CACNA1B: variants seen among roughly 807,000 people sequenced by gnomAD.
CACNA1B encodes voltage-dependent N-type calcium channel subunit alpha-1B.
In CACNA1B, 70 loss-of-function variants were observed where a neutral mutation model predicts 247.2. That is an observed-to-expected ratio of 0.28 (90% CI 0.23 to 0.35). The LOEUF is 0.35. CACNA1B is among the 10% of genes least tolerant of loss of function. CACNA1B has a pLI of 1.00. For missense variants in CACNA1B, 2,367 were observed against 3,197.4 expected (o/e 0.74, Z 6.26); for synonymous variants, 1,231 against 1,294.4 (o/e 0.95, Z 1.05).
rs1341459390 is a variant in CACNA1B, at chr9:138,012,549, A to G, written c.2161-580A>G. On this transcript the variant is annotated intron_variant, in intron 17 of 46. Transcript: ENST00000371372. This position sits in a 1 kb window ranked among gnomAD's most constrained non-coding sequence, Gnocchi z 4.2. ...ACTTGAGCCTAGGAATTCAAGAAAA[A>G]TTAAATTAAAAAAATTTAGCCAGTC... Among the ~76,000 whole-genome samples the G allele has an allele frequency of 2.0e-5, 3 of 152,008 alleles. No individual in the cohort carries two copies. The highest frequency in any genetic ancestry group is 7.2e-5 in the African/African-American group (3 of 41,456).
chr9:137,908,341 C>T (rs958187919), intron 3 of CACNA1B, among the ~76,000 whole-genome samples: 1 of 151,988 alleles, frequency 6.6e-6, no homozygotes, highest in Admixed American at 6.6e-5. Context: ...CATGGTGGAA[C>T]CCCGTCTCTA....
rs1163281325 is a variant in CACNA1B at position 138,061,465 on chromosome 9, T to C, written c.4668+1728T>C. Among the ~76,000 whole-genome samples the C allele has an allele frequency of 2.0e-5, 3 of 152,322 alleles. No individual in the cohort carries two copies. In the East Asian group the frequency reaches 5.8e-4, roughly 29 times the overall value. On this transcript the variant is annotated intron_variant, in intron 31 of 46. Coordinates refer to ENST00000371372, the MANE Select transcript of CACNA1B (RefSeq NM_000718.4). Reference sequence around the variant, plus strand: ...CTGATTGGGCACCCAGTACCATCGATTGGCCGTTGGTTCATCTTGAAATAT... The same window carrying C: ...CTGATTGGGCACCCAGTACCATCGACTGGCCGTTGGTTCATCTTGAAATAT...
At position 138,057,109 on chromosome 9, in the gene CACNA1B, T is replaced by C. The variant is rs1959535561; in HGVS notation, c.3969-623T>C. Among the ~76,000 whole-genome samples the C allele has an allele frequency of 6.6e-6, 1 of 152,060 alleles. No homozygotes were observed. The highest frequency in any genetic ancestry group is 1.5e-5 in the Non-Finnish European group (1 of 67,990). On this transcript the variant is annotated intron_variant, in intron 26 of 46. Transcript: ENST00000371372. This position sits in a 1 kb window ranked among gnomAD's most constrained non-coding sequence, Gnocchi z 4.0. ...CGCCACCACGCCCGGCTAATTATTT[T>C]TGTATTTTTAGTAGAGACGGGGGTT...
rs192508802 is a variant in CACNA1B at position 137,963,844 on chromosome 9, T to C, written c.1333+6157T>C. Among the ~76,000 whole-genome samples the C allele has an allele frequency of 4.0e-3, 605 of 152,350 alleles. 1 individual carries two copies. The highest frequency in any genetic ancestry group is 0.01 in the Middle Eastern group (3 of 294). ...CAGCGGCTAGTAATGGTTTTTCCTT[T>C]CCATATTTAGTGCTTCCATTAGGAC... On this transcript the variant is annotated intron_variant, in intron 10 of 46. Coordinates refer to ENST00000371372, the MANE Select transcript of CACNA1B (RefSeq NM_000718.4).
At chr9:138,098,178 C>T (rs1961120826) in intron 37 of CACNA1B, among the ~76,000 whole-genome samples, 2 of 152,224 alleles carry the variant, frequency 1.3e-5, no homozygotes, top group African/African-American at 4.8e-5. Context: ...CTTGCGAGAA[C>T]CCTGTCATGT....
At chr9:138,093,657 T>G (rs935498763) in intron 36 of CACNA1B, among the ~76,000 whole-genome samples, 6 of 151,864 alleles carry the variant, frequency 4.0e-5, no homozygotes, top group Admixed American at 3.9e-4. Context: ...AGAGAATCAC[T>G]TGAACCTGGG....
rs139413209 is a variant in CACNA1B, at chr9:138,108,617, T to G, written c.5428+2810T>G. Among the ~76,000 whole-genome samples the G allele has an allele frequency of 7.9e-5, 12 of 152,324 alleles. No homozygotes were observed. The East Asian group carries it at 2.3e-3, about 29-fold the overall frequency. Reference sequence around the variant, plus strand: ...GAATATCCCTTATAAACATAGATTTTTTTAAATCTTCAACATAATCTTTAA... The same window carrying G: ...GAATATCCCTTATAAACATAGATTTGTTTAAATCTTCAACATAATCTTTAA... On this transcript the variant is annotated intron_variant, in intron 39 of 46. Transcript: ENST00000371372.
intron 42 of CACNA1B, among the ~76,000 whole-genome samples, chr9:138,116,808 C>A (rs531076678): frequency 2.6e-5 from 4 of 152,304 alleles, no homozygotes; most frequent in African/African-American, 7.2e-5. Context: ...CTAACCACCC[C>A]TCCTCTCAGC....
chr9:137,988,573 A>T (rs1958395247), intron 15 of CACNA1B, among the ~76,000 whole-genome samples: 1 of 151,736 alleles, frequency 6.6e-6, no homozygotes, highest in African/African-American at 2.4e-5. Flanking sequence ...GCAATAAGAT[A>T]AAAAAAATAC....
intron 3 of CACNA1B, among the ~76,000 whole-genome samples, chr9:137,900,034 C>T (rs1220278695): frequency 2.0e-5 from 3 of 152,184 alleles, no homozygotes; most frequent in Non-Finnish European, 4.4e-5. Flanking sequence ...TCTGAGTCCC[C>T]AGTCACCTCT....
intron 6 of CACNA1B, among the ~76,000 whole-genome samples, chr9:137,926,637 G>A (rs1281428950): frequency 3.3e-5 from 5 of 152,144 alleles, no homozygotes; most frequent in Non-Finnish European, 7.3e-5. Flanking sequence ...TGTACCATTT[G>A]ACATTCCCAC....
In CACNA1B at chr9:137,971,712, A is replaced by G; in HGVS notation, c.1543+120A>G. Reference sequence around the variant, plus strand: ...ACGGGACCCACCCCCATGTTGCTCAAAGTATCCCACAGCCCTAGTCAGCCT... The same window carrying G: ...ACGGGACCCACCCCCATGTTGCTCAGAGTATCCCACAGCCCTAGTCAGCCT... On this transcript the variant is annotated intron_variant, in intron 11 of 46. Transcript: ENST00000371372. This position sits in a 1 kb window ranked among gnomAD's most constrained non-coding sequence, Gnocchi z 4.4. The G allele has an allele frequency of 1.2e-6, 1 of 813,054 alleles. No individual in the cohort carries two copies. The highest frequency in any genetic ancestry group is 1.7e-5 in the South Asian group (1 of 59,958). The allele number at this position is 813,054 out of a possible 1,614,324, so 50.4% of individuals were successfully genotyped here.
intron 3 of CACNA1B, among the ~76,000 whole-genome samples, chr9:137,898,003 G>A (rs547960691): frequency 6.6e-6 from 1 of 152,152 alleles, no homozygotes; most frequent in East Asian, 1.9e-4. Context: ...TTTCAGGATA[G>A]GTCTGCTGGT....
At chr9:137,937,086 C>A (rs1434963285) in intron 6 of CACNA1B, among the ~76,000 whole-genome samples, 1 of 152,122 alleles carries the variant, frequency 6.6e-6, no homozygotes, top group African/African-American at 2.4e-5. Context: ...TGGCCATTTT[C>A]ACAATATTGA....
intron 36 of CACNA1B, among the ~76,000 whole-genome samples, chr9:138,092,372 TC>T (rs1482516668): frequency 6.6e-6 from 1 of 152,208 alleles, no homozygotes; most frequent in Non-Finnish European, 1.5e-5. Flanking sequence ...CCAGGGTTAT[TC>T]CTTGCTGGGA....
chr9:137,970,060 A>G (rs541775217), intron 10 of CACNA1B, among the ~76,000 whole-genome samples: 38 of 152,328 alleles, frequency 2.5e-4, no homozygotes, highest in African/African-American at 8.9e-4. Flanking sequence ...ATGTGTGTAC[A>G]AACAGAAAAT....
chr9:138,009,373 C>T (rs562323365), intron 16 of CACNA1B, among the ~76,000 whole-genome samples: 2 of 152,176 alleles, frequency 1.3e-5, no homozygotes, highest in African/African-American at 2.4e-5. Context: ...GAGCGGATGC[C>T]GCAAAGAAGA....
intron 36 of CACNA1B, among the ~76,000 whole-genome samples, chr9:138,082,097 G>A (rs1174544933): frequency 6.6e-6 from 1 of 151,210 alleles, no homozygotes; most frequent in Non-Finnish European, 1.5e-5. Flanking sequence ...CTTAGTAACA[G>A]AGTCTTAGAT....
intron 6 of CACNA1B, among the ~76,000 whole-genome samples, chr9:137,946,982 A>G (rs956242340): frequency 6.6e-6 from 1 of 152,252 alleles, no homozygotes; most frequent in Non-Finnish European, 1.5e-5. Flanking sequence ...CAGTGAAAGC[A>G]CAGACTTATT....
Sources: gnomAD v4.1 joint callset for allele counts (sites outside exome capture counted in the v4.1 genomes callset) on GRCh38, gnomAD v4.1.1 for gene constraint, Gnocchi (gnomAD v3.1) non-coding constraint, MANE v1.5 for transcripts, NCBI Gene and HGNC (gene_info 2026-07-23, HGNC 2026-07-21) for gene names.